Variants in EGFR observed in about 807,000 individuals in gnomAD.
EGFR encodes the protein epidermal growth factor receptor, also known as avian erythroblastic leukemia viral (v-erb-b) oncogene homolog.
In EGFR, 58 loss-of-function variants were observed where a neutral mutation model predicts 143.0. The observed-to-expected ratio is 0.41, with a 90% CI of 0.33 to 0.50. The LOEUF (loss-of-function observed/expected upper bound fraction) is 0.50. Ranked by LOEUF, EGFR falls within the 20% of genes least tolerant of loss-of-function variation. The pLI is 0.39. For missense variants in EGFR, 1,307 were observed against 1,579.0 expected (o/e 0.83, Z 2.92); for synonymous variants, 613 against 594.4 (o/e 1.03, Z -0.45).
At chr7:55,128,540 C>T (rs151121135) in intron 1 of EGFR, among the ~76,000 whole-genome samples, 16 of 152,258 alleles carry the variant, frequency 1.1e-4, no homozygotes, top group Middle Eastern at 3.4e-3. Context: ...GAATATACGA[C>T]GTGTGTTCTG....
At chr7:55,109,558 C>T (rs1303106242) in intron 1 of EGFR, among the ~76,000 whole-genome samples, 1 of 152,218 alleles carries the variant, frequency 6.6e-6, no homozygotes, top group East Asian at 1.9e-4. Context: ...GAAAGCAAGA[C>T]AAGACAGGTT....
intron 1 of EGFR, among the ~76,000 whole-genome samples, chr7:55,065,638 T>A (rs1280259836): frequency 6.6e-6 from 1 of 152,194 alleles, no homozygotes; most frequent in Non-Finnish European, 1.5e-5. Flanking sequence ...GTAAACATGT[T>A]AGCTATGGCT....
intron 13 of EGFR, among the ~76,000 whole-genome samples, chr7:55,162,814 A>G (rs1240131602): frequency 6.6e-6 from 1 of 152,130 alleles, no homozygotes; most frequent in Non-Finnish European, 1.5e-5. Context: ...TTTTTGAGAC[A>G]GAGTCTCACG....
At chr7:55,124,814 C>T (rs996879048) in intron 1 of EGFR, among the ~76,000 whole-genome samples, 6 of 152,222 alleles carry the variant, frequency 3.9e-5, no homozygotes, top group Non-Finnish European at 7.3e-5. Context: ...CATACTCACT[C>T]GAACATTCCC....
intron 12 of EGFR, among the ~76,000 whole-genome samples, chr7:55,160,580 T>G (rs1374682943): frequency 2.0e-5 from 3 of 152,270 alleles, no homozygotes; most frequent in African/African-American, 7.2e-5. Context: ...TTATTTGTAA[T>G]GTAAGTAACT....
intron 13 of EGFR, among the ~76,000 whole-genome samples, chr7:55,163,409 A>G (rs898872708): frequency 6.6e-6 from 1 of 152,196 alleles, no homozygotes; most frequent in African/African-American, 2.4e-5. Context: ...TTTGATAACC[A>G]TGAATCTGGT....
At chr7:55,099,928 C>A (rs1340063629) in intron 1 of EGFR, among the ~76,000 whole-genome samples, 1 of 152,162 alleles carries the variant, frequency 6.6e-6, no homozygotes, top group African/African-American at 2.4e-5. Context: ...TGAGACAGAA[C>A]CGATGCATCA....
intron 1 of EGFR, among the ~76,000 whole-genome samples, chr7:55,023,650 CAA>C (rs11372886): frequency 6.4e-5 from 6 of 94,012 alleles, no homozygotes; most frequent in Admixed American, 1.2e-4. Flanking sequence ...GACTCCATCT[CAA>C]AAAAAAAAAA....
At chr7:55,159,211 A>T (rs1388382059) in intron 11 of EGFR, among the ~76,000 whole-genome samples, 1 of 151,640 alleles carries the variant, frequency 6.6e-6, no homozygotes, top group Non-Finnish European at 1.5e-5. Context: ...GGTCTGGCAG[A>T]GGCTGGTGGT....
In EGFR at chr7:55,156,668, C is replaced by G. The variant is rs2128938486; in HGVS notation, c.1133+9C>G. 1 of 1,614,224 alleles carries G rather than the reference C, an allele frequency of 6.2e-7. No individual in the cohort carries two copies. Among genetic ancestry groups the G allele is most frequent in the Non-Finnish European group, 8.5e-7 (1 of 1,180,044 alleles). Reference sequence around the variant, plus strand: ...CCGGTGGCATTTAGGGGGTGAGTCACAGGTTCAGTTGCTTGTATAAAGAAA... The same window carrying G: ...CCGGTGGCATTTAGGGGGTGAGTCAGAGGTTCAGTTGCTTGTATAAAGAAA... On this transcript the variant is annotated intron_variant, in intron 9 of 27. Transcript: ENST00000275493.
chr7:55,204,659 C>T (rs1788034103), intron 27 of EGFR, among the ~76,000 whole-genome samples: 1 of 133,690 alleles, frequency 7.5e-6, no homozygotes, highest in East Asian at 2.5e-4. Flanking sequence ...CATACACACA[C>T]CACACACACG....
At chr7:55,040,983 T>C (rs1334111164) in intron 1 of EGFR, among the ~76,000 whole-genome samples, 1 of 152,252 alleles carries the variant, frequency 6.6e-6, no homozygotes, top group Admixed American at 6.5e-5. Context: ...GACAACTTGA[T>C]GATCTTTCCG....
intron 26 of EGFR, 137 bp downstream of exon 26, chr7:55,201,919 G>A (rs985901167): frequency 6.8e-6 from 7 of 1,034,442 alleles, no homozygotes; most frequent in South Asian, 1.3e-5. Context: ...TTCCCTGCAC[G>A]GCTGTCACGC....
chr7:55,061,873 C>T (rs1436008635), intron 1 of EGFR, among the ~76,000 whole-genome samples: 2 of 152,188 alleles, frequency 1.3e-5, no homozygotes, highest in African/African-American at 4.8e-5. Flanking sequence ...AAAGGCTCAG[C>T]TGCTAAGTGG....
intron 14 of EGFR, 64 bp downstream of exon 14, chr7:55,163,887 G>C: frequency 1.9e-6 from 3 of 1,564,936 alleles, no homozygotes; most frequent in Non-Finnish European, 2.6e-6. Context: ...AAGCCGAACA[G>C]TGATGATGGC....
chr7:55,027,197 A>G (rs984859328), intron 1 of EGFR, among the ~76,000 whole-genome samples: 2 of 152,202 alleles, frequency 1.3e-5, no homozygotes, highest in South Asian at 4.1e-4. Flanking sequence ...CACATACAAG[A>G]TCACTCCCTG....
At chr7:55,131,890 A>AGAG (rs1562742827) in intron 1 of EGFR, among the ~76,000 whole-genome samples, 3 of 151,062 alleles carry the variant, frequency 2.0e-5, no homozygotes, top group Non-Finnish European at 4.4e-5. Flanking sequence ...TCTGTGGCCC[A>AGAG]GTGCTGCAGA....
At chr7:55,032,338 A>G (rs773833492) in intron 1 of EGFR, among the ~76,000 whole-genome samples, 7 of 152,244 alleles carry the variant, frequency 4.6e-5, no homozygotes, top group Non-Finnish European at 1.0e-4. Context: ...CTGAGGACGC[A>G]GCTTAGCACA....
intron 1 of EGFR, among the ~76,000 whole-genome samples, chr7:55,106,619 A>G (rs1259424347): frequency 2.6e-5 from 4 of 152,218 alleles, no homozygotes; most frequent in Non-Finnish European, 5.9e-5. Flanking sequence ...AGGAAATGTT[A>G]TCTTTGATGT....
Sources: gnomAD v4.1 joint callset for allele counts (sites outside exome capture counted in the v4.1 genomes callset) on GRCh38, gnomAD v4.1.1 for gene constraint, MANE v1.5 for transcripts, NCBI Gene and HGNC (gene_info 2026-07-23, HGNC 2026-07-21) for gene names.